The following GALNTL6 variants were observed in gnomAD, a reference collection of about 807,000 sequenced individuals.
GALNTL6 encodes the protein polypeptide N-acetylgalactosaminyltransferase like 6.
Under a neutral mutation model 73.7 loss-of-function variants are expected in GALNTL6, and 46 were observed. The ratio of observed to expected loss-of-function variants is 0.62; its 90% CI spans 0.49 to 0.80. The LOEUF is 0.80. GALNTL6 is among the 30% of genes least tolerant of loss of function. GALNTL6 has a pLI of 0.00. For missense variants in GALNTL6, 604 were observed against 755.0 expected, an observed-to-expected ratio of 0.80 and a Z score of 2.34; for synonymous variants, 259 against 263.7, an observed-to-expected ratio of 0.98 and a Z score of 0.17.
chr4:172,502,055 T>C (rs1734280337), intron 5 of GALNTL6, among the ~76,000 whole-genome samples: 1 of 152,208 alleles, frequency 6.6e-6, no homozygotes, highest in Admixed American at 6.5e-5. Context: ...ATGTGTTTGT[T>C]AGCGACCACA....
At chr4:172,651,203 C>T in intron 5 of GALNTL6, among the ~76,000 whole-genome samples, 1 of 152,128 alleles carries the variant, frequency 6.6e-6, no homozygotes, top group South Asian at 2.1e-4. Context: ...ACAGTAGGAC[C>T]TGAAGCCATG....
chr4:171,921,277 T>C (rs1209954613), intron 2 of GALNTL6, among the ~76,000 whole-genome samples: 1 of 152,116 alleles, frequency 6.6e-6, no homozygotes, highest in African/African-American at 2.4e-5. Flanking sequence ...ACTGACTATG[T>C]GTCGACCATG....
chr4:172,805,651 T>C (rs1032895343), intron 5 of GALNTL6, among the ~76,000 whole-genome samples: 2 of 152,178 alleles, frequency 1.3e-5, no homozygotes, highest in African/African-American at 2.4e-5. Context: ...GTAAATTTCC[T>C]TGGTGTTATT....
intron 3 of GALNTL6, among the ~76,000 whole-genome samples, chr4:172,256,896 G>GA (rs1298608803): frequency 6.6e-6 from 1 of 151,130 alleles, no homozygotes; most frequent in Non-Finnish European, 1.5e-5. Flanking sequence ...ATTCCCAGAG[G>GA]AAAAAAACTT....
At chr4:172,992,913 T>C (rs1282039890) in intron 10 of GALNTL6, among the ~76,000 whole-genome samples, 1 of 152,198 alleles carries the variant, frequency 6.6e-6, no homozygotes, top group African/African-American at 2.4e-5. Flanking sequence ...AGTTCAACTA[T>C]AAGCTAAATT....
chr4:172,718,286 A>G (rs1452476874), intron 5 of GALNTL6, among the ~76,000 whole-genome samples: 1 of 152,184 alleles, frequency 6.6e-6, no homozygotes, highest in Non-Finnish European at 1.5e-5. Flanking sequence ...GTCATATCAT[A>G]ATTTCAAAAT....
chr4:173,013,466 A>G (rs1752641368), intron 11 of GALNTL6, among the ~76,000 whole-genome samples: 2 of 152,122 alleles, frequency 1.3e-5, no homozygotes, highest in South Asian at 2.1e-4. Flanking sequence ...TGGCCTGCAG[A>G]TTTTATTTGA....
At chr4:172,542,167 A>G (rs1377563033) in intron 5 of GALNTL6, among the ~76,000 whole-genome samples, 1 of 151,634 alleles carries the variant, frequency 6.6e-6, no homozygotes, top group South Asian at 2.1e-4. Flanking sequence ...AGATGTGCCA[A>G]ATTTTATAGT....
chr4:172,960,532 C>A (rs188915344), intron 10 of GALNTL6, among the ~76,000 whole-genome samples: 1 of 151,812 alleles, frequency 6.6e-6, no homozygotes, highest in African/African-American at 2.4e-5. Context: ...GACTCAGCGA[C>A]GCTTGGGGTT....
At chr4:172,155,627 T>G (rs2110772469) in intron 2 of GALNTL6, among the ~76,000 whole-genome samples, 2 of 152,326 alleles carry the variant, frequency 1.3e-5, no homozygotes, top group South Asian at 4.1e-4. Context: ...TGTTGGCCAA[T>G]ATTAGTTACT....
intron 10 of GALNTL6, among the ~76,000 whole-genome samples, chr4:172,956,737 T>C (rs1749771893): frequency 6.6e-6 from 1 of 152,142 alleles, no homozygotes; most frequent in Non-Finnish European, 1.5e-5. Flanking sequence ...CAGGCCTGAA[T>C]TATGAGAAGG....
At chr4:171,923,398 G>GTTTTTTT (rs565298275) in intron 2 of GALNTL6, among the ~76,000 whole-genome samples, 1 of 124,310 alleles carries the variant, frequency 8.0e-6, no homozygotes, top group African/African-American at 3.1e-5. Context: ...CCCTGACTTT[G>GTTTTTTT]TTTTTTTTTT....
rs181677270 is a variant in GALNTL6, at chr4:172,050,023, G to A, written c.139-179633G>A. Among the ~76,000 whole-genome samples, 509 of 151,830 alleles carry A rather than the reference G, an allele frequency of 3.4e-3. 4 individuals are homozygous for A. The highest frequency in any genetic ancestry group is 5.9e-3 in the Non-Finnish European group (403 of 67,900). ...GAAGGAAAAAGAAAAAAAAAATGCAGGCTCTGTGGAGTAAATTCTCAGTCA... is the reference window on the plus strand; with the variant it reads ...GAAGGAAAAAGAAAAAAAAAATGCAAGCTCTGTGGAGTAAATTCTCAGTCA... On this transcript the variant is annotated intron_variant, in intron 2 of 12. Transcript: ENST00000506823.
At chr4:172,037,776 A>G (rs1741972381) in intron 2 of GALNTL6, among the ~76,000 whole-genome samples, 1 of 152,196 alleles carries the variant, frequency 6.6e-6, no homozygotes, top group South Asian at 2.1e-4. Context: ...TTCAATTCTC[A>G]AAATTAGTTT....
intron 5 of GALNTL6, among the ~76,000 whole-genome samples, chr4:172,656,591 G>T (rs560976983): frequency 6.6e-6 from 1 of 152,044 alleles, no homozygotes; most frequent in African/African-American, 2.4e-5. Flanking sequence ...GCAATGACAC[G>T]GTGTTCTGTT....
intron 2 of GALNTL6, among the ~76,000 whole-genome samples, chr4:171,831,307 G>A (rs921640374): frequency 4.6e-5 from 7 of 151,958 alleles, no homozygotes; most frequent in Non-Finnish European, 7.4e-5. Context: ...ATAGGAGCTG[G>A]AATAGATATG....
At chr4:172,248,832 T>C (rs1579298290) in intron 3 of GALNTL6, among the ~76,000 whole-genome samples, 2 of 152,274 alleles carry the variant, frequency 1.3e-5, no homozygotes, top group Admixed American at 1.3e-4. Flanking sequence ...GAAGGATGTG[T>C]TTGCTTGCCT....
At chr4:172,676,489 G>A (rs1372558746) in intron 5 of GALNTL6, among the ~76,000 whole-genome samples, 1 of 152,280 alleles carries the variant, frequency 6.6e-6, no homozygotes, top group African/African-American at 2.4e-5. Context: ...CTACTCTCAT[G>A]GGTTTGCATT....
chr4:172,319,340 A>G (rs748655444), intron 4 of GALNTL6, among the ~76,000 whole-genome samples: 25 of 152,344 alleles, frequency 1.6e-4, no homozygotes, highest in Middle Eastern at 6.8e-3. Flanking sequence ...AAGTAGATAT[A>G]TCACGTATTC....
Sources: allele counts gnomAD v4.1 joint callset (sites outside exome capture counted in the v4.1 genomes callset), GRCh38; gene constraint gnomAD v4.1.1; transcripts MANE v1.5; gene names NCBI Gene and HGNC (gene_info 2026-07-23, HGNC 2026-07-21).